The following POT1 variants were observed in gnomAD, a reference collection of about 807,000 sequenced individuals.
POT1 encodes protection of telomeres protein 1.
POT1 carries 47 observed loss-of-function variants against 78.5 expected under a neutral mutation model. The ratio of observed to expected loss-of-function variants is 0.60; its 90% CI spans 0.47 to 0.76. The LOEUF (loss-of-function observed/expected upper bound fraction) is 0.76, where lower values mean the gene tolerates loss of function less well. Among genes scored for constraint, POT1 ranks in the 30% least tolerant of loss-of-function variants. The pLI is 0.00. For synonymous variants in POT1, 259 were observed against 260.7 expected, an observed-to-expected ratio of 0.99 and a Z score of 0.06; for missense variants, 646 against 749.9, an observed-to-expected ratio of 0.86 and a Z score of 1.62.
chr7:124,840,778 T>C (rs545456467), intron 14 of POT1, 195 bp downstream of exon 14: 1 of 420,618 alleles, frequency 2.4e-6, no homozygotes, highest in South Asian at 3.5e-5. Context: ...ATTTCAAATG[T>C]AATTAAGATA....
At chr7:124,828,756 TGACAG>T (rs1794690329) in intron 16 of POT1, among the ~76,000 whole-genome samples, 2 of 152,168 alleles carry the variant, frequency 1.3e-5, no homozygotes, top group South Asian at 4.1e-4. Context: ...GAAGTTCATG[TGACAG>T]GACCCTAGGA....
chr7:124,875,432 C>T (rs1795967180), intron 6 of POT1, among the ~76,000 whole-genome samples: 1 of 152,090 alleles, frequency 6.6e-6, no homozygotes, highest in Non-Finnish European at 1.5e-5. Flanking sequence ...TTTTGTACTG[C>T]AAGACATAAA....
At position 124,841,143 on chromosome 7, in the gene POT1, A is replaced by G. The variant is rs1562980983; in HGVS notation, c.1199T>C (p.Ile400Thr). The change falls in exon 14 of 19, where the codon ATT becomes ACT. Residue 400 changes from isoleucine to threonine, a missense_variant. Around this residue, in one of 2 missense-constraint regions of POT1, gnomAD observed 394 missense variants for 408.4 expected, o/e 0.96. Coordinates refer to ENST00000357628, the MANE Select transcript of POT1 (RefSeq NM_015450.3). ...EVPHEGDLDI[I>T]FQDGATKTPD... ...GGTTTTAGTTGCACCATCCTGAAAA[A>G]TTATATCCAAATCGCCCTCATGTGG... The G allele has an allele frequency of 1.2e-6, 2 of 1,612,740 alleles. No homozygotes were observed. The highest frequency in any genetic ancestry group is 1.3e-5 in the African/African-American group (1 of 74,982).
intron 8 of POT1, among the ~76,000 whole-genome samples, chr7:124,862,459 C>A (rs1487802800): frequency 6.6e-5 from 10 of 152,258 alleles, no homozygotes; most frequent in Admixed American, 5.2e-4. Context: ...TCAGCTTTAT[C>A]ATATTTGACT....
At chr7:124,857,854 T>A (rs1051537390) in intron 9 of POT1, among the ~76,000 whole-genome samples, 51 of 152,174 alleles carry the variant, frequency 3.4e-4, no homozygotes, top group African/African-American at 1.2e-3. Flanking sequence ...CACTAAGCTG[T>A]TAACACTTAA....
intron 8 of POT1, among the ~76,000 whole-genome samples, chr7:124,859,666 TGAG>T: frequency 6.6e-6 from 1 of 151,282 alleles, no homozygotes; most frequent in South Asian, 2.1e-4. Context: ...GTATTACAGG[TGAG>T]ACATACAAAT....
intron 3 of POT1, among the ~76,000 whole-genome samples, chr7:124,903,270 GAAGTA>G (rs773510014): frequency 2.0e-4 from 30 of 152,078 alleles, no homozygotes; most frequent in Non-Finnish European, 2.9e-4. Flanking sequence ...ACCATAGTTG[GAAGTA>G]AAGCACTCCT....
chr7:124,872,792 A>G (rs373463552), intron 6 of POT1, among the ~76,000 whole-genome samples: 7 of 152,134 alleles, frequency 4.6e-5, no homozygotes. Flanking sequence ...AAGAACATTT[A>G]TATGTTTTCC....
chr7:124,893,407 C>G (rs1006179613), intron 5 of POT1, among the ~76,000 whole-genome samples: 1 of 151,358 alleles, frequency 6.6e-6, no homozygotes, highest in South Asian at 2.1e-4. Flanking sequence ...ACTAACAATT[C>G]CTAAATTCTT....
intron 14 of POT1, chr7:124,837,209 CAGA>C: frequency 3.2e-6 from 1 of 309,276 alleles, no homozygotes; most frequent in Non-Finnish European, 6.4e-6. Context: ...ATCCAGCTTA[CAGA>C]AGAACTGTTA....
In POT1 at chr7:124,858,950, A is replaced by G; in HGVS notation, c.702+7T>C. The G allele has an allele frequency of 6.3e-7, 1 of 1,586,020 alleles. No individual in the cohort carries two copies. Among genetic ancestry groups the G allele is most frequent in the Non-Finnish European group, 8.6e-7 (1 of 1,164,660 alleles). On this transcript the variant is annotated splice_region_variant and intron_variant, in intron 9 of 18. Transcript: ENST00000357628. ...ATAAAATAACATTTTTTCCTACTAT[A>G]CATCACCTTCAGAGATCTTGCCACA...
intron 6 of POT1, among the ~76,000 whole-genome samples, chr7:124,888,591 C>CT (rs1796300062): frequency 6.6e-6 from 1 of 151,990 alleles, no homozygotes; most frequent in Non-Finnish European, 1.5e-5. Flanking sequence ...TGTAATTGTA[C>CT]TTTACTTTGT....
At chr7:124,922,765 C>T (rs750515409) in intron 2 of POT1, among the ~76,000 whole-genome samples, 1 of 151,818 alleles carries the variant, frequency 6.6e-6, no homozygotes, top group South Asian at 2.1e-4. Flanking sequence ...GTTTGACAGA[C>T]AAACAAAACC....
rs1562981766 is a variant in POT1 at position 124,842,806 on chromosome 7, C to G, written c.1163+1G>C. ...TTTGTTTTATTATGGAAAATACTCA[C>G]AGCAAATGACATTTAGGGCAATGAA... On this transcript the variant is annotated splice_donor_variant, in intron 13 of 18. Transcript: ENST00000357628. LOFTEE classifies it high-confidence loss of function. The G allele has an allele frequency of 3.8e-6, 6 of 1,594,498 alleles. No homozygotes were observed. Among genetic ancestry groups the G allele is most frequent in the Non-Finnish European group, 5.1e-6 (6 of 1,174,418 alleles).
At chr7:124,831,999 T>TAAAAAAAAA (rs752861454) in intron 15 of POT1, among the ~76,000 whole-genome samples, 1 of 75,622 alleles carries the variant, frequency 1.3e-5, no homozygotes, top group African/African-American at 4.2e-5. Flanking sequence ...TTCTTAAAAA[T>TAAAAAAAAA]AAAAAAAAAA....
intron 12 of POT1, among the ~76,000 whole-genome samples, chr7:124,846,162 G>GACACACAAAC (rs1554421676): frequency 6.7e-6 from 1 of 148,718 alleles, no homozygotes; most frequent in Non-Finnish European, 1.5e-5. Flanking sequence ...CATTCATACT[G>GACACACAAAC]ACACACACAC....
At chr7:124,873,517 A>T (rs916056946) in intron 6 of POT1, among the ~76,000 whole-genome samples, 1 of 151,960 alleles carries the variant, frequency 6.6e-6, no homozygotes, top group Non-Finnish European at 1.5e-5. Context: ...TCTGTTGAGG[A>T]TTTTTGCATC....
intron 2 of POT1, among the ~76,000 whole-genome samples, chr7:124,922,917 T>G (rs1185597319): frequency 1.3e-5 from 2 of 151,480 alleles, no homozygotes; most frequent in African/African-American, 4.8e-5. Context: ...AGAAAGGAAA[T>G]GTTCATACAC....
chr7:124,896,277 A>G (rs1796488687), intron 5 of POT1, among the ~76,000 whole-genome samples: 1 of 151,710 alleles, frequency 6.6e-6, no homozygotes, highest in Non-Finnish European at 1.5e-5. Context: ...ATATTTTTGC[A>G]AAGTTCAGAG....
Sources: allele counts gnomAD v4.1 joint callset (sites outside exome capture counted in the v4.1 genomes callset), GRCh38; gene constraint gnomAD v4.1.1; regional missense constraint gnomAD v4.1.1; transcripts MANE v1.5; gene names NCBI Gene and HGNC (gene_info 2026-07-23, HGNC 2026-07-21).